Variants in ARHGEF4 observed in about 807,000 individuals in gnomAD.
The protein encoded by ARHGEF4 is Rho guanine nucleotide exchange factor 4, also known as APC-stimulated guanine nucleotide exchange factor 1.
A neutral mutation model predicts 162.0 loss-of-function variants in ARHGEF4; 119 were observed. The ratio of observed to expected loss-of-function variants is 0.73; its 90% confidence interval spans 0.63 to 0.86. The LOEUF is 0.86. Ranked by LOEUF, ARHGEF4 falls within the 40% of genes least tolerant of loss-of-function variation. The probability of loss-of-function intolerance (pLI) is 0.00; values close to 1 mark genes in which losing one functional copy is unlikely to be tolerated. For missense variants in ARHGEF4, 2,488 were observed against 2,456.0 expected (o/e 1.01, Z -0.28); for synonymous variants, 1,014 against 979.9 (o/e 1.03, Z -0.65).
intron 1 of ARHGEF4, among the ~76,000 whole-genome samples, chr2:130,898,418 C>T (rs769326729): frequency 2.6e-5 from 4 of 152,178 alleles, no homozygotes; most frequent in Non-Finnish European, 2.9e-5. Context: ...TGCGATTGGA[C>T]GCTGCATCTT....
Position 130,917,172 on chromosome 2 carries a change from T to G in ARHGEF4, c.3226T>G (p.Cys1076Gly). Residue 1076 changes from cysteine (C) to glycine (G), a missense_variant, in exon 2 of 14, where the codon TGC becomes GGC. Physicochemically the swap from Cys to Gly is radical, Grantham distance 159. Transcript: ENST00000409359. ...ACACACCCTGCCTTCCAGCTCTGCC[T>G]GCTGCCTGGCATATGAAAACCCCGG... ...IAHTLPSSSA[C>G]CLAYENPGTP... 2 of 1,550,512 alleles carry G rather than the reference T, an allele frequency of 1.3e-6. No homozygotes were observed. Among genetic ancestry groups the G allele is most frequent in the African/African-American group, 1.4e-5 (1 of 73,142 alleles).
intron 6 of ARHGEF4, chr2:131,039,254 G>T (rs1258315943): frequency 7.7e-7 from 1 of 1,295,138 alleles, no homozygotes; most frequent in African/African-American, 1.5e-5. Flanking sequence ...GAGAGCAGTC[G>T]AGAAATGAGT....
chr2:130,916,590 G>A lies in ARHGEF4; in HGVS notation c.2644G>A (p.Asp882Asn). ...AGAGHTGTSG[D>N]LGSRGPSSES... ...AGCGGGGCACACGGGGACCTCAGGG[G>A]ATCTTGGTAGCCGAGGGCCTTCCTC... Residue 882 changes from aspartate (D) to asparagine (N), a missense_variant, in exon 2 of 14, where the codon GAT becomes AAT. Physicochemically the swap from Asp to Asn is conservative, Grantham distance 23 (BLOSUM62 1). This residue lies in a region of ARHGEF4 where 1,642 missense variants were observed against 1,481.5 expected (regional missense o/e 1.11). Transcript: ENST00000409359. 6.4e-7 allele frequency: 1 copy of A among 1,550,552 alleles called. No homozygotes were observed. Among genetic ancestry groups the A allele is most frequent in the Non-Finnish European group, 8.7e-7 (1 of 1,146,970 alleles).
At chr2:130,926,048 C>CTTTCTTTCTTTCTCTT in intron 2 of ARHGEF4, among the ~76,000 whole-genome samples, 130 of 53,432 alleles carry the variant, frequency 2.4e-3, no homozygotes, top group East Asian at 0.019. Flanking sequence ...TTCTTTCTTT[C>CTTTCTTTCTTTCTCTT]TCTTTCTTTC....
rs1057311878 is a variant in ARHGEF4 at position 130,915,872 on chromosome 2, G to A, written c.1926G>A (p.Gln642=). ...IIVAVEQKGL[Q]ASRSNAGPVP... ...TAGCTGTGGAGCAGAAAGGTCTTCA[G>A]GCCAGCAGGAGCAATGCGGGGCCTG... Residue 642 remains glutamine, a synonymous_variant, in exon 2 of 14, where the codon CAG becomes CAA. Transcript: ENST00000409359. 3 of 1,548,440 alleles carry A rather than the reference G, an allele frequency of 1.9e-6. No individual in the cohort carries two copies. Among genetic ancestry groups the A allele is most frequent in the East Asian group, 2.4e-5 (1 of 40,904 alleles).
In ARHGEF4 at chr2:131,041,332, G is replaced by C. The variant is rs769485434; in HGVS notation, c.4765G>C (p.Glu1589Gln). 3.1e-6 allele frequency: 5 copies of C among 1,613,646 alleles called. No homozygotes were observed. The highest frequency in any genetic ancestry group is 2.2e-5 in the South Asian group (2 of 91,092). The change falls in exon 9 of 14, where the codon GAG (glutamate) becomes CAG (glutamine). Residue 1589 changes from glutamate to glutamine, a missense_variant. Glu to Gln is a conservative substitution (Grantham distance 29). Around this residue, in one of 6 missense-constraint regions of ARHGEF4, gnomAD observed 415 missense variants for 512.4 expected, o/e 0.81. Coordinates refer to ENST00000409359, the MANE Select transcript of ARHGEF4 (RefSeq NM_001367493.1). ...TKLSKYVYFF[E>Q]ACRLLQKMID... ...GCTCAGCAAGTACGTGTACTTCTTCGAGGCCTGCCGGCTGCTGCAGAAGAT... is the reference window on the plus strand; with the variant it reads ...GCTCAGCAAGTACGTGTACTTCTTCCAGGCCTGCCGGCTGCTGCAGAAGAT...
intron 1 of ARHGEF4, among the ~76,000 whole-genome samples, chr2:130,868,056 G>T (rs1682422042): frequency 6.6e-6 from 1 of 150,432 alleles, no homozygotes; most frequent in Non-Finnish European, 1.5e-5. Flanking sequence ...CTCCTGAGTA[G>T]CTGGGACTAC....
At chr2:130,880,975 A>G (rs1679150305) in intron 1 of ARHGEF4, among the ~76,000 whole-genome samples, 1 of 152,172 alleles carries the variant, frequency 6.6e-6, no homozygotes, top group Non-Finnish European at 1.5e-5. Flanking sequence ...TTTTCTGTAA[A>G]TCTCTTTCCT....
chr2:130,917,823 C>CTTTTTTTTTTTTTTT (rs72157600), intron 2 of ARHGEF4, among the ~76,000 whole-genome samples: 1 of 106,950 alleles, frequency 9.4e-6, no homozygotes. Context: ...TTCTTTTTTT[C>CTTTTTTTTTTTTTTT]TTTTTTTTTT....
At chr2:130,901,659 T>TG (rs1680497209) in intron 1 of ARHGEF4, among the ~76,000 whole-genome samples, 2 of 152,104 alleles carry the variant, frequency 1.3e-5, no homozygotes, top group Non-Finnish European at 1.5e-5. Context: ...CAGCTGGGAC[T>TG]ACAGGCGCCT....
chr2:130,987,122 G>A (rs1686564198), intron 4 of ARHGEF4, among the ~76,000 whole-genome samples: 2 of 152,218 alleles, frequency 1.3e-5, no homozygotes, highest in South Asian at 4.1e-4. Flanking sequence ...CCTGCTGCAG[G>A]GCCAGGGAGC....
chr2:130,927,717 C>T (rs2105093836), intron 2 of ARHGEF4, among the ~76,000 whole-genome samples: 1 of 152,258 alleles, frequency 6.6e-6, no homozygotes, highest in African/African-American at 2.4e-5. Flanking sequence ...CAAAAGAAAA[C>T]CTAGGGAACT....
chr2:130,973,177 C>A (rs1029789818), intron 4 of ARHGEF4, among the ~76,000 whole-genome samples: 2 of 152,160 alleles, frequency 1.3e-5, no homozygotes, highest in Admixed American at 6.6e-5. Flanking sequence ...AGTAAAGTTG[C>A]AATCAAGTTA....
intron 3 of ARHGEF4, among the ~76,000 whole-genome samples, chr2:130,944,468 C>A (rs1434275350): frequency 6.6e-6 from 1 of 152,184 alleles, no homozygotes; most frequent in Non-Finnish European, 1.5e-5. Context: ...CCAACCTTTT[C>A]TCTCTGTTCT....
chr2:131,024,145 C>T (rs1689320115), intron 4 of ARHGEF4, among the ~76,000 whole-genome samples: 1 of 152,208 alleles, frequency 6.6e-6, no homozygotes. Flanking sequence ...TCATACTGGA[C>T]TTATGAAAGC....
At chr2:130,868,191 C>T (rs1682437956) in intron 1 of ARHGEF4, among the ~76,000 whole-genome samples, 1 of 152,070 alleles carries the variant, frequency 6.6e-6, no homozygotes, top group Non-Finnish European at 1.5e-5. Flanking sequence ...TCCCAGAGTG[C>T]TGGGATTACA....
intron 1 of ARHGEF4, among the ~76,000 whole-genome samples, chr2:130,848,471 G>A (rs1277452214): frequency 2.0e-5 from 3 of 152,192 alleles, no homozygotes; most frequent in Admixed American, 1.3e-4. Flanking sequence ...AAGGTTGGCA[G>A]CCTTGTGAGA....
rs779564478 is a variant in ARHGEF4, at chr2:131,041,302, A to T, written c.4735A>T (p.Thr1579Ser). ...PNACVELSRL[T>S]KLSKYVYFFE... ...CGCCTGCGTGGAGCTCTCCCGGCTC[A>T]CCAAGCTCAGCAAGTACGTGTACTT... Residue 1579 changes from threonine (T) to serine (S), a missense_variant, in exon 9 of 14, where the codon ACC (threonine) becomes TCC (serine). This residue lies in a region of ARHGEF4 where 415 missense variants were observed against 512.4 expected (regional missense o/e 0.81). Transcript: ENST00000409359. 44 of 1,613,792 alleles carry T rather than the reference A, an allele frequency of 2.7e-5. No homozygotes were observed. In the East Asian group the frequency reaches 3.8e-4, roughly 14 times the overall value.
intron 4 of ARHGEF4, among the ~76,000 whole-genome samples, chr2:131,006,841 G>T (rs1688143521): frequency 6.6e-6 from 1 of 152,144 alleles, no homozygotes; most frequent in South Asian, 2.1e-4. Context: ...GGAAGCAAAA[G>T]GCCAAGTCAT....
Sources: allele counts gnomAD v4.1 joint callset (sites outside exome capture counted in the v4.1 genomes callset), GRCh38; gene constraint gnomAD v4.1.1; regional missense constraint gnomAD v4.1.1; transcripts MANE v1.5; gene names NCBI Gene and HGNC (gene_info 2026-07-23, HGNC 2026-07-21).